Variants in CAPN1 observed in about 807,000 individuals in gnomAD.
CAPN1 encodes calpain 1.
Under a neutral mutation model 105.2 loss-of-function variants are expected in CAPN1, and 77 were observed. The ratio of observed to expected loss-of-function variants is 0.73; its 90% confidence interval spans 0.61 to 0.88. The LOEUF is 0.88. Among genes scored for constraint, CAPN1 ranks in the 40% least tolerant of loss-of-function variants. The pLI is 0.00. For missense variants in CAPN1, 833 were observed against 976.6 expected (o/e 0.85, Z 1.96); for synonymous variants, 355 against 388.8 (o/e 0.91, Z 1.02).
At chr11:65,193,962 A>AT (rs60784154) in intron 10 of CAPN1, among the ~76,000 whole-genome samples, 1,221 of 76,192 alleles carry the variant, frequency 0.016, 21 homozygotes, top group Non-Finnish European at 0.018. Context: ...CTTTGGATTG[A>AT]TTTTTTTTTT....
chr11:65,181,604 G>C (rs1329545446), upstream of CAPN1: 1 of 414,268 alleles, frequency 2.4e-6, no homozygotes, highest in Admixed American at 2.6e-5. This position sits in a 1 kb window ranked among gnomAD's most constrained non-coding sequence, Gnocchi z 4.6. Flanking sequence ...GCTGCCCCTG[G>C]TTAAAAATAC....
intron 10 of CAPN1, among the ~76,000 whole-genome samples, chr11:65,190,517 G>T (rs989642751): frequency 6.6e-6 from 1 of 152,094 alleles, no homozygotes; most frequent in Non-Finnish European, 1.5e-5. Context: ...TCTCTCCCCA[G>T]CAGCACTAGC....
Position 65,188,040 on chromosome 11 carries a change from G to C in CAPN1, c.929G>C (p.Ser310Thr). The C allele has an allele frequency of 6.4e-7, 1 of 1,555,150 alleles. No individual in the cohort carries two copies. Among genetic ancestry groups the C allele is most frequent in the Non-Finnish European group, 8.7e-7 (1 of 1,149,030 alleles). The stretch of plus-strand genomic sequence containing the variant: ...GAGTGGACGGGAGCCTGGAGCGACA[G>C]GTGAGGGGCAGTGGGCACTGTCTGG... ...EVEWTGAWSD[S>T]SSEWNNVDPY... Residue 310 changes from serine to threonine, a missense_variant and splice_region_variant, in exon 8 of 22, where the codon AGC becomes ACC. Coordinates refer to ENST00000279247, the MANE Select transcript of CAPN1 (RefSeq NM_005186.4). The surrounding 1 kb of genome is among the most constrained non-coding windows in gnomAD (Gnocchi z 5.5).
Position 65,210,399 on chromosome 11 carries a change from C to T in CAPN1, c.2006C>T (p.Ala669Val), listed in dbSNP as rs754590542. Residue 669 changes from alanine (A) to valine (V), a missense_variant, in exon 20 of 22, where the codon GCG (alanine) becomes GTG (valine). Ala to Val is a moderately conservative substitution (Grantham distance 64, BLOSUM62 0). Coordinates refer to ENST00000279247, the MANE Select transcript of CAPN1 (RefSeq NM_005186.4). The surrounding 1 kb of genome is among the most constrained non-coding windows in gnomAD (Gnocchi z 4.3). ...ACCCGCTACTCGGAGCCCGACCTGG[C>T]GGTCGACTTTGACAATTTCGTTTGC... ...IITRYSEPDL[A>V]VDFDNFVCCL... The T allele has an allele frequency of 3.1e-6, 5 of 1,613,106 alleles. No homozygotes were observed. Among genetic ancestry groups the T allele is most frequent in the Non-Finnish European group, 4.2e-6 (5 of 1,179,612 alleles).
chr11:65,207,118 A>G (rs1948972843), intron 14 of CAPN1, among the ~76,000 whole-genome samples: 1 of 146,094 alleles, frequency 6.8e-6, no homozygotes, highest in Non-Finnish European at 1.5e-5. Flanking sequence ...TTGTTACCAT[A>G]CCTCCTCTGA....
At chr11:65,204,948 G>A (rs566596836) in intron 11 of CAPN1, 90 bp downstream of exon 11, 2 of 1,101,904 alleles carry the variant, frequency 1.8e-6, no homozygotes, top group East Asian at 4.8e-5. Flanking sequence ...TCCACCAGGG[G>A]GCGCCAGGGA....
Position 65,211,621 on chromosome 11 carries a change from G to T in CAPN1, c.*335G>T. On this transcript the variant is annotated 3_prime_UTR_variant, in exon 22 of 22. Transcript: ENST00000279247. ...TGTGTCCCCTCTCCCCACTTCAGAG[G>T]CCACCCACTCAGCACCACCGGCCTG... 2.2e-6 allele frequency: 1 copy of T among 457,946 alleles called. No individual in the cohort carries two copies. The highest frequency in any genetic ancestry group is 4.0e-6 in the Non-Finnish European group (1 of 248,392). 28.4% of individuals were successfully genotyped at this position (457,946 alleles called of 1,614,324 possible).
Position 65,209,328 on chromosome 11 carries a change from G to C in CAPN1, c.1735G>C (p.Asp579His). 6.2e-7 allele frequency: 1 copy of C among 1,613,536 alleles called. No homozygotes were observed. Among genetic ancestry groups the C allele is most frequent in the Non-Finnish European group, 8.5e-7 (1 of 1,179,654 alleles). The change falls in exon 17 of 22, where the codon GAC becomes CAC. Residue 579 changes from aspartate to histidine, a missense_variant. By Grantham distance (81) the Asp-to-His change is moderately conservative (BLOSUM62 -1). Transcript: ENST00000279247. This position sits in a 1 kb window ranked among gnomAD's most constrained non-coding sequence, Gnocchi z 4.1. ...ILNRIISKHK[D>H]LRTKGFSLES... ...GGAATTGGTTTTTCTTGCAGACAAA[G>C]ACCTGCGGACCAAGGGCTTCAGCCT...
rs758284726 is a variant in CAPN1, at chr11:65,210,106, C to G, written c.1942+10C>G. Reference sequence around the variant, plus strand: ...GCCATTGAGTCGGCAGGTGAGACTCCAAGGCTGACGGCACCTGTGGGGCCC... The same window carrying G: ...GCCATTGAGTCGGCAGGTGAGACTCGAAGGCTGACGGCACCTGTGGGGCCC... On this transcript the variant is annotated intron_variant, in intron 19 of 21. Coordinates refer to ENST00000279247, the MANE Select transcript of CAPN1 (RefSeq NM_005186.4). The surrounding 1 kb of genome is among the most constrained non-coding windows in gnomAD (Gnocchi z 4.3). 1.9e-5 allele frequency: 31 copies of G among 1,608,598 alleles called. No homozygotes were observed. The highest frequency in any genetic ancestry group is 2.5e-5 in the Non-Finnish European group (29 of 1,176,458).
At position 65,210,250 on chromosome 11, in the gene CAPN1, A is replaced by G; in HGVS notation, c.1943-86A>G. On this transcript the variant is annotated intron_variant, in intron 19 of 21. Coordinates refer to ENST00000279247, the MANE Select transcript of CAPN1 (RefSeq NM_005186.4). The surrounding 1 kb of genome is among the most constrained non-coding windows in gnomAD (Gnocchi z 4.3). ...GGTTACTAGCACCCTGCCTAGCCCC[A>G]GCCCCCTCCTGGGGACCCAACCCCT... 8.5e-7 allele frequency: 1 copy of G among 1,175,164 alleles called. No homozygotes were observed. The highest frequency in any genetic ancestry group is 1.3e-5 in the South Asian group (1 of 78,670). 72.8% of individuals were successfully genotyped at this position (1,175,164 alleles called of 1,614,324 possible).
rs1161218620 is a variant in CAPN1 at position 65,206,686 on chromosome 11, A to T, written c.1565+12A>T. ...AGTGCTGGGACTGTGTGAGTCATGG[A>T]CTGGCCCCTGCCACTCTCCCCTCTC... On this transcript the variant is annotated intron_variant, in intron 13 of 21. Coordinates refer to ENST00000279247, the MANE Select transcript of CAPN1 (RefSeq NM_005186.4). 2.5e-6 allele frequency: 4 copies of T among 1,611,410 alleles called. No homozygotes were observed. The highest frequency in any genetic ancestry group is 3.4e-6 in the Non-Finnish European group (4 of 1,178,806).
Position 65,185,930 on chromosome 11 carries a change from G to T in CAPN1, c.470G>T (p.Gly157Val). 1 of 1,584,996 alleles carries T rather than the reference G, an allele frequency of 6.3e-7. No homozygotes were observed. The highest frequency in any genetic ancestry group is 2.3e-5 in the East Asian group (1 of 43,384). The change falls in exon 5 of 22, where the codon GGG becomes GTG. Residue 157 changes from glycine to valine, a missense_variant. Physicochemically the swap from Gly to Val is moderately radical, Grantham distance 109. Coordinates refer to ENST00000279247, the MANE Select transcript of CAPN1 (RefSeq NM_005186.4). The stretch of plus-strand genomic sequence containing the variant: ...CCTCCCCCACAGCTGTGGCAATTTG[G>T]GGAGTGGGTGGACGTGGTCGTGGAT... Reference protein sequence around the residue: ...GIFHFQLWQFGEWVDVVVDDL... With the variant: ...GIFHFQLWQFVEWVDVVVDDL...
In CAPN1 at chr11:65,193,780, A is replaced by G. The variant is rs192684604; in HGVS notation, c.1165+5034A>G. Among the ~76,000 whole-genome samples the G allele has an allele frequency of 1.8e-4, 27 of 151,840 alleles. 1 individual carries two copies. Among genetic ancestry groups the G allele is most frequent in the African/African-American group, 5.8e-4 (24 of 41,462 alleles). On this transcript the variant is annotated intron_variant, in intron 10 of 21. Transcript: ENST00000279247. ...GCCCAGGCTGGAGTGCAGTGGCACA[A>G]TCCTAGTCCTCTGTGATCCTAGGTC...
rs942615255 is a variant in CAPN1, at chr11:65,211,498, C to G, written c.*212C>G. The G allele has an allele frequency of 1.7e-6, 1 of 588,204 alleles. No individual in the cohort carries two copies. The highest frequency in any genetic ancestry group is 3.1e-6 in the Non-Finnish European group (1 of 324,478). The allele number at this position is 588,204 out of a possible 1,614,324, so 36.4% of individuals were successfully genotyped here. On this transcript the variant is annotated 3_prime_UTR_variant, in exon 22 of 22. Transcript: ENST00000279247. ...CCCCTGCCTGTGCCAGCCATGGGCT[C>G]GGGATGGACTCCCTGGGCCCCACCC... is the stretch of plus-strand genomic sequence containing the variant.
At position 65,188,496 on chromosome 11, in the gene CAPN1, C is replaced by T. The variant is rs767896413; in HGVS notation, c.1004+8C>T. 4 of 1,612,264 alleles carry T rather than the reference C, an allele frequency of 2.5e-6. No homozygotes were observed. In the African/African-American group the frequency reaches 5.3e-5, roughly 22 times the overall value. On this transcript the variant is annotated splice_region_variant and intron_variant, in intron 9 of 21. Transcript: ENST00000279247. The surrounding 1 kb of genome is among the most constrained non-coding windows in gnomAD (Gnocchi z 5.5). ...GGAGGACGGGGAGTTCTGGTGAGCGCCCCCTCCCCTTCTACCCCACCTCTC... is the reference window on the plus strand; with the variant it reads ...GGAGGACGGGGAGTTCTGGTGAGCGTCCCCTCCCCTTCTACCCCACCTCTC...
chr11:65,185,006 T>G (rs1948611640), intron 4 of CAPN1, among the ~76,000 whole-genome samples: 1 of 152,132 alleles, frequency 6.6e-6, no homozygotes, highest in Non-Finnish European at 1.5e-5. Context: ...ATATGTGGTA[T>G]GCATGTATTA....
chr11:65,201,434 G>T (rs1948867519), intron 10 of CAPN1, among the ~76,000 whole-genome samples: 1 of 152,220 alleles, frequency 6.6e-6, no homozygotes. Context: ...TTCACAGGCA[G>T]TGTGAATTAA....
At chr11:65,203,198 C>CTCTTTTT (rs111923742) in intron 10 of CAPN1, among the ~76,000 whole-genome samples, 4 of 149,858 alleles carry the variant, frequency 2.7e-5, no homozygotes, top group Non-Finnish European at 3.0e-5. Flanking sequence ...AACATTCTCT[C>CTCTTTTT]TTTTTTTTTT....
intron 4 of CAPN1, among the ~76,000 whole-genome samples, chr11:65,184,170 A>G (rs1221714816): frequency 2.0e-5 from 3 of 152,112 alleles, no homozygotes; most frequent in African/African-American, 7.2e-5. Context: ...CCAGCCTTGG[A>G]GGCCCCAGCC....
Sources: allele counts gnomAD v4.1 joint callset (sites outside exome capture counted in the v4.1 genomes callset), GRCh38; gene constraint gnomAD v4.1.1; non-coding constraint Gnocchi (gnomAD v3.1); transcripts MANE v1.5; gene names NCBI Gene and HGNC (gene_info 2026-07-23, HGNC 2026-07-21).